The following FAT3 variants were observed in gnomAD, a reference collection of about 807,000 sequenced individuals.
FAT3 encodes the protein protocadherin Fat 3.
In FAT3, 95 loss-of-function variants were observed where a neutral mutation model predicts 310.2. The observed-to-expected ratio is 0.31, with a 90% CI of 0.26 to 0.36. FAT3 has a LOEUF of 0.36. FAT3 is among the 10% of genes least tolerant of loss of function. The probability of loss-of-function intolerance (pLI) is 1.00; values close to 1 mark genes in which losing one functional copy is unlikely to be tolerated. For synonymous variants in FAT3, 2,314 were observed against 2,192.9 expected (o/e 1.06, Z -1.54); for missense variants, 5,408 against 5,715.6 (o/e 0.95, Z 1.74).
At chr11:92,739,311 G>A (rs766765006) in intron 4 of FAT3, among the ~76,000 whole-genome samples, 1 of 150,666 alleles carries the variant, frequency 6.6e-6, no homozygotes, top group Non-Finnish European at 1.5e-5. Flanking sequence ...GTAATTTCTG[G>A]AGATTTCCAG....
intron 1 of FAT3, among the ~76,000 whole-genome samples, chr11:92,338,614 C>T (rs958804145): frequency 1.3e-5 from 2 of 152,054 alleles, no homozygotes; most frequent in Non-Finnish European, 2.9e-5. Context: ...TTATGCGAGC[C>T]TCTGGAGAGG....
rs61666151 is a variant in FAT3 at position 92,321,436 on chromosome 11, C to CAA, written c.-17-30646_-17-30645dup. On this transcript the variant is annotated intron_variant, in intron 1 of 27. Transcript: ENST00000525166. ...TGAGCAACAGGGCGAGACTCCGTCT[C>CAA]AAAAAAAAAAAAAAATTCTTGGTTG... Among the ~76,000 whole-genome samples the CAA allele has an allele frequency of 4.4e-3, 538 of 122,380 alleles. 3 individuals are homozygous for CAA. Among genetic ancestry groups the CAA allele is most frequent in the African/African-American group, 0.014 (450 of 32,510 alleles). 80.3% of individuals were successfully genotyped at this position (122,380 alleles called of 152,430 possible).
intron 3 of FAT3, among the ~76,000 whole-genome samples, chr11:92,657,671 G>A (rs775769600): frequency 1.3e-5 from 2 of 152,184 alleles, no homozygotes; most frequent in Non-Finnish European, 2.9e-5. Context: ...ATTTTCAGAG[G>A]ACATAAAGAT....
chr11:92,888,076 G>A (rs569012244), intron 25 of FAT3, among the ~76,000 whole-genome samples: 10 of 152,256 alleles, frequency 6.6e-5, no homozygotes, highest in Non-Finnish European at 1.3e-4. Flanking sequence ...TTGTCTTCAA[G>A]GCAAATACAG....
At chr11:92,242,972 GT>G (rs926223569) in intron 1 of FAT3, among the ~76,000 whole-genome samples, 42 of 147,818 alleles carry the variant, frequency 2.8e-4, no homozygotes, top group Middle Eastern at 3.4e-3. Flanking sequence ...TCGGAGGACT[GT>G]TTTTTTTTTA....
At chr11:92,577,365 C>G (rs1194171396) in intron 3 of FAT3, among the ~76,000 whole-genome samples, 2 of 152,062 alleles carry the variant, frequency 1.3e-5, no homozygotes, top group African/African-American at 2.4e-5. Flanking sequence ...CACCTCACCT[C>G]CCAAAGTGCT....
At chr11:92,285,852 A>G (rs2134378611) in intron 1 of FAT3, among the ~76,000 whole-genome samples, 1 of 152,190 alleles carries the variant, frequency 6.6e-6, no homozygotes, top group South Asian at 2.1e-4. Flanking sequence ...TAGAAATGGC[A>G]ATGTGGCTTA....
At chr11:92,718,968 T>C (rs1011037079) in intron 4 of FAT3, among the ~76,000 whole-genome samples, 1 of 152,206 alleles carries the variant, frequency 6.6e-6, no homozygotes, top group Non-Finnish European at 1.5e-5. Context: ...TTCTTCTCTA[T>C]GCTTTGAGCT....
At chr11:92,559,728 T>C (rs1007044232) in intron 3 of FAT3, among the ~76,000 whole-genome samples, 2 of 152,162 alleles carry the variant, frequency 1.3e-5, no homozygotes, top group Non-Finnish European at 2.9e-5. Context: ...ACGTAACATA[T>C]AGTCTTTTGT....
chr11:92,788,381 A>T (rs1946951727), intron 7 of FAT3, among the ~76,000 whole-genome samples: 2 of 152,184 alleles, frequency 1.3e-5, no homozygotes, highest in African/African-American at 4.8e-5. Context: ...GGAGGAGCTA[A>T]GGAACCAACT....
At position 92,354,522 on chromosome 11, in the gene FAT3, T is replaced by C. The variant is rs1163063931; in HGVS notation, c.2410T>C (p.Tyr804His). Residue 804 changes from tyrosine to histidine, a missense_variant, in exon 2 of 28, where the codon TAT (tyrosine) becomes CAT (histidine). Tyr to His is a moderately conservative substitution (Grantham distance 83). Around this residue, in one of 5 missense-constraint regions of FAT3, gnomAD observed 4,588 missense variants for 4,809.8 expected, o/e 0.95. Transcript: ENST00000525166. ...CCTCTATCTCCTTAATATCACCATC[T>C]ATGACTTAGGTAATCCACAGAAATC... ...TDLYLLNITIYDLGNPQKSSW... is the reference protein window; with the variant it reads ...TDLYLLNITIHDLGNPQKSSW... 1 of 1,613,866 alleles carries C rather than the reference T, an allele frequency of 6.2e-7. No individual in the cohort carries two copies. Among genetic ancestry groups the C allele is most frequent in the South Asian group, 1.1e-5 (1 of 91,078 alleles).
chr11:92,720,034 G>A (rs890021864), intron 4 of FAT3, among the ~76,000 whole-genome samples: 1 of 152,042 alleles, frequency 6.6e-6, no homozygotes, highest in African/African-American at 2.4e-5. Context: ...AAACTTCCTG[G>A]ATTTTTTTCT....
chr11:92,320,498 G>A (rs1947586554), intron 1 of FAT3, among the ~76,000 whole-genome samples: 1 of 152,164 alleles, frequency 6.6e-6, no homozygotes, highest in Non-Finnish European at 1.5e-5. Flanking sequence ...TATATTTTGT[G>A]TGTGGTGGTT....
At chr11:92,231,115 C>G (rs886683870) in intron 1 of FAT3, among the ~76,000 whole-genome samples, 3 of 152,164 alleles carry the variant, frequency 2.0e-5, no homozygotes, top group African/African-American at 2.4e-5. Context: ...CTCCCACCCC[C>G]CAATTTCAAA....
chr11:92,306,705 AATATATATATTTATATATT>A (rs1022249331), intron 1 of FAT3, among the ~76,000 whole-genome samples: 34 of 123,936 alleles, frequency 2.7e-4, no homozygotes, highest in Non-Finnish European at 3.9e-4. Context: ...GAGGCTCATA[AATATATATATTTATATATT>A]ATATATATAT....
intron 3 of FAT3, among the ~76,000 whole-genome samples, chr11:92,634,292 C>T (rs968540618): frequency 6.6e-6 from 1 of 152,110 alleles, no homozygotes; most frequent in Non-Finnish European, 1.5e-5. Flanking sequence ...AACCCAAATC[C>T]CCCTTTTGTT....
chr11:92,302,482 A>G (rs993994286), intron 1 of FAT3, among the ~76,000 whole-genome samples: 1 of 151,042 alleles, frequency 6.6e-6, no homozygotes, highest in Non-Finnish European at 1.5e-5. Flanking sequence ...TTTTTCTTTC[A>G]GCCTTGGCAC....
intron 13 of FAT3, among the ~76,000 whole-genome samples, chr11:92,818,576 C>T (rs1947882904): frequency 6.6e-6 from 1 of 152,178 alleles, no homozygotes; most frequent in Non-Finnish European, 1.5e-5. Flanking sequence ...ACAGGGATAT[C>T]CCCAAATGTA....
intron 8 of FAT3, among the ~76,000 whole-genome samples, chr11:92,792,470 G>T (rs1947062849): frequency 6.6e-6 from 1 of 152,132 alleles, no homozygotes; most frequent in African/African-American, 2.4e-5. Flanking sequence ...GGGAGAGCCA[G>T]AGCACAGTGC....
Sources: allele counts gnomAD v4.1 joint callset (sites outside exome capture counted in the v4.1 genomes callset), GRCh38; gene constraint gnomAD v4.1.1; regional missense constraint gnomAD v4.1.1; transcripts MANE v1.5; gene names NCBI Gene and HGNC (gene_info 2026-07-23, HGNC 2026-07-21).